ASTN1: variants seen among roughly 807,000 people sequenced by gnomAD.
ASTN1 encodes the protein astrotactin-1.
ASTN1 carries 41 observed loss-of-function variants against 140.7 expected under a neutral mutation model. The ratio of observed to expected loss-of-function variants is 0.29; its 90% CI spans 0.23 to 0.38. ASTN1 has a LOEUF of 0.38. ASTN1 is among the 10% of genes least tolerant of loss of function. ASTN1 has a pLI of 1.00. For missense variants in ASTN1, 1,479 were observed against 1,678.8 expected, an observed-to-expected ratio of 0.88 and a Z score of 2.08; for synonymous variants, 640 against 652.2, an observed-to-expected ratio of 0.98 and a Z score of 0.29.
chr1:177,081,891 G>T (rs1325110250), intron 1 of ASTN1, among the ~76,000 whole-genome samples: 1 of 152,150 alleles, frequency 6.6e-6, no homozygotes, highest in Non-Finnish European at 1.5e-5. Flanking sequence ...AATGGAAAAC[G>T]CAGAGGAGAA....
chr1:177,136,153 C>T (rs1682185139), intron 1 of ASTN1, among the ~76,000 whole-genome samples: 1 of 152,156 alleles, frequency 6.6e-6, no homozygotes, highest in Non-Finnish European at 1.5e-5. Context: ...GTAGGCACCC[C>T]TATGCCTCAC....
Position 176,945,314 on chromosome 1 carries a change from T to A in ASTN1, c.2249+612A>T, listed in dbSNP as rs115250629. Among the ~76,000 whole-genome samples, 549 of 152,322 alleles carry A rather than the reference T, an allele frequency of 3.6e-3. 3 individuals carry two copies. The highest frequency in any genetic ancestry group is 0.013 in the African/African-American group (520 of 41,584). On this transcript the variant is annotated intron_variant, in intron 13 of 22. Transcript: ENST00000361833. ...ATATTAGAAGTTAAAATAGAAATTT[T>A]AAAAATTTATTAATTCACGTAAAAA...
At chr1:177,002,583 C>T (rs992397705) in intron 8 of ASTN1, among the ~76,000 whole-genome samples, 3 of 151,850 alleles carry the variant, frequency 2.0e-5, no homozygotes, top group Non-Finnish European at 2.9e-5. Flanking sequence ...TTTTATCACA[C>T]GCATTCCTTT....
chr1:176,928,994 C>G (rs1421477261), intron 16 of ASTN1, among the ~76,000 whole-genome samples: 1 of 152,116 alleles, frequency 6.6e-6, no homozygotes, highest in Non-Finnish European at 1.5e-5. Flanking sequence ...CTTTAGAGAG[C>G]AAATCTCTGA....
intron 12 of ASTN1, among the ~76,000 whole-genome samples, chr1:176,946,638 C>G (rs1023654566): frequency 2.0e-5 from 3 of 152,166 alleles, no homozygotes; most frequent in Non-Finnish European, 4.4e-5. Context: ...CATCTCCTGG[C>G]ACTGTACTGT....
chr1:177,119,217 G>A (rs533441617), intron 1 of ASTN1, among the ~76,000 whole-genome samples: 1 of 152,256 alleles, frequency 6.6e-6, no homozygotes, highest in South Asian at 2.1e-4. Context: ...CAATGTCAAC[G>A]ACTGTGCCTC....
intron 16 of ASTN1, among the ~76,000 whole-genome samples, chr1:176,901,733 C>T (rs1484050350): frequency 6.6e-6 from 1 of 152,190 alleles, no homozygotes; most frequent in African/African-American, 2.4e-5. Context: ...TCTCCAGCCT[C>T]ACATTCAGCT....
At chr1:177,091,268 T>G (rs1401945402) in intron 1 of ASTN1, among the ~76,000 whole-genome samples, 1 of 152,222 alleles carries the variant, frequency 6.6e-6, no homozygotes, top group African/African-American at 2.4e-5. Context: ...AAACATTACA[T>G]TAACCTTTTA....
intron 1 of ASTN1, among the ~76,000 whole-genome samples, chr1:177,122,057 T>C (rs1426282061): frequency 6.6e-6 from 1 of 152,146 alleles, no homozygotes; most frequent in African/African-American, 2.4e-5. Flanking sequence ...GCCACTACCC[T>C]GGAGCACTTT....
intron 9 of ASTN1, among the ~76,000 whole-genome samples, chr1:176,961,214 G>T (rs913668636): frequency 1.3e-5 from 2 of 152,206 alleles, no homozygotes; most frequent in African/African-American, 4.8e-5. Context: ...AAGCAAAGGT[G>T]AAGATTATCC....
rs1429315866 is a variant in ASTN1, at chr1:177,030,836, G to C, written c.982C>G (p.Gln328Glu). 1 of 1,614,104 alleles carries C rather than the reference G, an allele frequency of 6.2e-7. No homozygotes were observed. Among genetic ancestry groups the C allele is most frequent in the Non-Finnish European group, 8.5e-7 (1 of 1,180,012 alleles). ...GCTTTGTTGTTGATCCGCTTTCTCT[G>C]GCTGCTGGAGGTGTGAGAGAGAAGG... ...ATLLSHTSSS[Q>E]RKRINNKARA... is the part of the protein sequence containing the mutation. Residue 328 changes from glutamine to glutamate, a missense_variant, in exon 4 of 23, where the codon CAG (glutamine) becomes GAG (glutamate). Physicochemically the swap from Gln to Glu is conservative, Grantham distance 29. This residue lies in a region of ASTN1 where 729 missense variants were observed against 860.4 expected (regional missense o/e 0.85). Transcript: ENST00000361833.
intron 1 of ASTN1, among the ~76,000 whole-genome samples, chr1:177,075,621 C>CT (rs1431018598): frequency 7.2e-6 from 1 of 139,530 alleles, no homozygotes; most frequent in African/African-American, 2.6e-5. Context: ...TTCTTTCTTT[C>CT]TTTCTTTTCT....
At chr1:177,051,772 T>A (rs1677553551) in intron 2 of ASTN1, among the ~76,000 whole-genome samples, 1 of 152,134 alleles carries the variant, frequency 6.6e-6, no homozygotes, top group South Asian at 2.1e-4. Context: ...ATCTCTGAGT[T>A]CTTACATCAG....
At chr1:176,875,426 A>G (rs1490473253) in intron 21 of ASTN1, among the ~76,000 whole-genome samples, 2 of 152,184 alleles carry the variant, frequency 1.3e-5, no homozygotes, top group African/African-American at 4.8e-5. Context: ...AGGGCCCTTG[A>G]TATGATCAGG....
chr1:177,025,190 C>T (rs190726197), intron 5 of ASTN1, among the ~76,000 whole-genome samples: 1 of 152,290 alleles, frequency 6.6e-6, no homozygotes, highest in East Asian at 1.9e-4. Flanking sequence ...ACTTCCTGAG[C>T]TGGAAGAGCT....
intron 1 of ASTN1, among the ~76,000 whole-genome samples, chr1:177,149,371 G>GTA (rs1553263097): frequency 3.5e-5 from 2 of 56,618 alleles, no homozygotes; most frequent in African/African-American, 2.6e-4. Flanking sequence ...TATATATATA[G>GTA]TATATATAGT....
rs1393150133 is a variant in ASTN1, at chr1:177,014,995, T to A, written c.1439-120A>T. ...ACTCTTACTCTGATATTAGCATGAATGAGACAGTAAGTTCCATTATGTCAT... is the reference window on the plus strand; with the variant it reads ...ACTCTTACTCTGATATTAGCATGAAAGAGACAGTAAGTTCCATTATGTCAT... On this transcript the variant is annotated intron_variant, in intron 7 of 22. Coordinates refer to ENST00000361833, the MANE Select transcript of ASTN1 (RefSeq NM_004319.3). 6.9e-6 allele frequency: 6 copies of A among 867,892 alleles called. No homozygotes were observed. In the African/African-American group the frequency reaches 1.0e-4, roughly 15 times the overall value. The allele number at this position is 867,892 out of a possible 1,614,324, so 53.8% of individuals were successfully genotyped here. A position where few individuals can be genotyped will look rare whatever the true frequency, so the allele number is the denominator to read the frequency against.
chr1:177,037,905 C>T (rs1676800750), intron 2 of ASTN1, among the ~76,000 whole-genome samples: 2 of 152,148 alleles, frequency 1.3e-5, no homozygotes, highest in Admixed American at 1.3e-4. Context: ...ATAGATACCA[C>T]ACAAATGAAG....
At chr1:177,066,088 C>T (rs978987167) in intron 1 of ASTN1, among the ~76,000 whole-genome samples, 2 of 152,202 alleles carry the variant, frequency 1.3e-5, no homozygotes, top group African/African-American at 4.8e-5. Context: ...GGGTGTGACT[C>T]ATATAACCAC....
Sources: gnomAD v4.1 joint callset for allele counts (sites outside exome capture counted in the v4.1 genomes callset) on GRCh38, gnomAD v4.1.1 for gene constraint, gnomAD v4.1.1 regional missense constraint, MANE v1.5 for transcripts, NCBI Gene and HGNC (gene_info 2026-07-23, HGNC 2026-07-21) for gene names.